The following HYKK variants were observed in gnomAD, a reference collection of about 807,000 sequenced individuals.
The protein encoded by HYKK is hydroxylysine kinase.
A neutral mutation model predicts 29.7 loss-of-function variants in HYKK; 19 were observed. That is an observed-to-expected ratio of 0.64 (90% CI 0.45 to 0.94). The LOEUF is 0.94. HYKK is among the 40% of genes least tolerant of loss of function. The pLI is 0.00. For missense variants in HYKK, 390 were observed against 443.4 expected, an observed-to-expected ratio of 0.88 and a Z score of 1.08; for synonymous variants, 152 against 158.1, an observed-to-expected ratio of 0.96 and a Z score of 0.29.
chr15:78,533,437 C>G lies in HYKK; in HGVS notation c.889C>G (p.Leu297Val). The G allele has an allele frequency of 6.2e-7, 1 of 1,614,210 alleles. No individual in the cohort carries two copies. Among genetic ancestry groups the G allele is most frequent in the South Asian group, 1.1e-5 (1 of 91,086 alleles). Residue 297 changes from leucine to valine, a missense_variant, in exon 5 of 5, where the codon CTG (leucine) becomes GTG (valine). Coordinates refer to ENST00000388988, the MANE Select transcript of HYKK (RefSeq NM_001013619.4). ...TGCAGGGTTTGAAAGCATCACCCCA[C>G]TGACAGCTGTAGAGAAGGGTGCTTT... ...VLAGFESITP[L>V]TAVEKGALFL...
intron 3 of HYKK, among the ~76,000 whole-genome samples, chr15:78,519,222 C>A (rs2052166853): frequency 6.6e-6 from 1 of 152,136 alleles, no homozygotes; most frequent in South Asian, 2.1e-4. Flanking sequence ...TTACAATAAT[C>A]ACCATTTTAT....
intron 4 of HYKK, 145 bp from the exon 5 acceptor site, chr15:78,533,065 A>G (rs1049817244): frequency 3.4e-5 from 21 of 618,714 alleles, no homozygotes; most frequent in African/African-American, 2.4e-4. Context: ...TTTTCAGAGG[A>G]AATTATTTTA....
At chr15:78,508,601 A>G (rs957545289) in intron 1 of HYKK, among the ~76,000 whole-genome samples, 3 of 152,094 alleles carry the variant, frequency 2.0e-5, no homozygotes, top group African/African-American at 7.2e-5. Context: ...TCAGGAGCTA[A>G]ATACTGTTGG....
Position 78,533,879 on chromosome 15 carries a change from A to G in HYKK, c.*209A>G. 2 of 568,136 alleles carry G rather than the reference A, an allele frequency of 3.5e-6. No individual in the cohort carries two copies. The highest frequency in any genetic ancestry group is 3.1e-6 in the Non-Finnish European group (1 of 322,434). The allele number at this position is 568,136 out of a possible 1,614,324, so 35.2% of individuals were successfully genotyped here. ...ATTCACAAAAGTACCACAAGCAAGC[A>G]TATTTTTCTGTGAGTCTTACTTGCC... is the stretch of plus-strand genomic sequence containing the variant. On this transcript the variant is annotated 3_prime_UTR_variant, in exon 5 of 5. Transcript: ENST00000388988.
At chr15:78,525,898 G>A (rs1322990498) in intron 3 of HYKK, among the ~76,000 whole-genome samples, 1 of 152,292 alleles carries the variant, frequency 6.6e-6, no homozygotes, top group Non-Finnish European at 1.5e-5. Context: ...GTATACTGGG[G>A]TTATGATGTA....
rs199967887 is a variant in HYKK at position 78,533,482 on chromosome 15, C to A, written c.934C>A (p.Arg312Ser). 1 of 1,614,116 alleles carries A rather than the reference C, an allele frequency of 6.2e-7. No homozygotes were observed. The highest frequency in any genetic ancestry group is 1.1e-5 in the South Asian group (1 of 91,040). ...TGCTTTGTTTTTACTTGTATGCAGT[C>A]GTTTTTGTCAGTCACTTGTCATGGC... ...KGALFLLVCS[R>S]FCQSLVMAAY... The change falls in exon 5 of 5, where the codon CGT (arginine) becomes AGT (serine). Residue 312 changes from arginine to serine, a missense_variant. Coordinates refer to ENST00000388988, the MANE Select transcript of HYKK (RefSeq NM_001013619.4).
chr15:78,527,381 G>A lies in HYKK; in HGVS notation c.479G>A (p.Arg160Lys), dbSNP rs771357153. The change falls in exon 4 of 5, where the codon AGA (arginine) becomes AAA (lysine). Residue 160 changes from arginine (R) to lysine (K), a missense_variant and splice_region_variant. Physicochemically the swap from Arg to Lys is conservative, Grantham distance 26. Coordinates refer to ENST00000388988, the MANE Select transcript of HYKK (RefSeq NM_001013619.4). ...AAGAATATCTCGCTTTTGATTTAGA[G>A]ATTCCATCACCCAAAGTTAAGTAGT... Reference protein sequence around the residue: ...LAAKLDKTLQRFHHPKLSSLH... With the variant: ...LAAKLDKTLQKFHHPKLSSLH... 1.2e-6 allele frequency: 2 copies of A among 1,613,086 alleles called. No homozygotes were observed. Among genetic ancestry groups the A allele is most frequent in the Admixed American group, 1.7e-5 (1 of 59,944 alleles).
intron 1 of HYKK, among the ~76,000 whole-genome samples, chr15:78,508,663 C>A (rs1231395062): frequency 6.6e-6 from 1 of 151,708 alleles, no homozygotes; most frequent in Non-Finnish European, 1.5e-5. Flanking sequence ...CTCTCCCTTT[C>A]AATGAAGTAG....
In HYKK at chr15:78,533,725, C is replaced by A; in HGVS notation, c.*55C>A. Reference sequence around the variant, plus strand: ...TTTAACTTGGGTAATTAAAATAGGACCCAGTCAAATTTTAGGAAGGATTTT... The same window carrying A: ...TTTAACTTGGGTAATTAAAATAGGAACCAGTCAAATTTTAGGAAGGATTTT... On this transcript the variant is annotated 3_prime_UTR_variant, in exon 5 of 5. Transcript: ENST00000388988. The A allele has an allele frequency of 7.7e-7, 1 of 1,297,050 alleles. No individual in the cohort carries two copies. The highest frequency in any genetic ancestry group is 1.1e-6 in the Non-Finnish European group (1 of 915,400). 80.3% of individuals were successfully genotyped at this position (1,297,050 alleles called of 1,614,324 possible).
Position 78,533,330 on chromosome 15 carries a change from A to G in HYKK, c.782A>G (p.Tyr261Cys). 1.2e-6 allele frequency: 2 copies of G among 1,614,158 alleles called. No individual in the cohort carries two copies. Among genetic ancestry groups the G allele is most frequent in the Non-Finnish European group, 1.7e-6 (2 of 1,179,956 alleles). The stretch of plus-strand genomic sequence containing the variant: ...GACTTTGGTGACATGAGCTATGGCT[A>G]CTATGTGTTTGAAGTGGCAATTACC... ...ILDFGDMSYGYYVFEVAITIM... is the reference protein window; with the variant it reads ...ILDFGDMSYGCYVFEVAITIM... The change falls in exon 5 of 5, where the codon TAC becomes TGC. Residue 261 changes from tyrosine to cysteine, a missense_variant. Coordinates refer to ENST00000388988, the MANE Select transcript of HYKK (RefSeq NM_001013619.4).
At chr15:78,530,718 T>A (rs2052303731) in intron 4 of HYKK, among the ~76,000 whole-genome samples, 1 of 152,128 alleles carries the variant, frequency 6.6e-6, no homozygotes, top group South Asian at 2.1e-4. Context: ...GCAGATTTTT[T>A]TTTTTATAGA....
At chr15:78,525,756 C>G (rs2052247603) in intron 3 of HYKK, among the ~76,000 whole-genome samples, 1 of 152,152 alleles carries the variant, frequency 6.6e-6, no homozygotes, top group Non-Finnish European at 1.5e-5. Flanking sequence ...ACGTTGGCCT[C>G]CCAAAGTGCT....
In HYKK at chr15:78,533,449, G is replaced by A; in HGVS notation, c.901G>A (p.Glu301Lys). The A allele has an allele frequency of 5.0e-6, 8 of 1,614,220 alleles. No individual in the cohort carries two copies. The highest frequency in any genetic ancestry group is 5.9e-6 in the Non-Finnish European group (7 of 1,180,028). The change falls in exon 5 of 5, where the codon GAG becomes AAG. Residue 301 changes from glutamate (E) to lysine (K), a missense_variant. By Grantham distance (56) the Glu-to-Lys change is moderately conservative (BLOSUM62 1). Transcript: ENST00000388988. The stretch of plus-strand genomic sequence containing the variant: ...AAGCATCACCCCACTGACAGCTGTA[G>A]AGAAGGGTGCTTTGTTTTTACTTGT... ...FESITPLTAV[E>K]KGALFLLVCS... is the part of the protein sequence containing the mutation.
intron 4 of HYKK, 40 bp from the exon 5 acceptor site, chr15:78,533,170 A>C (rs1399421245): frequency 8.1e-7 from 1 of 1,236,924 alleles, no homozygotes; most frequent in East Asian, 2.3e-5. Context: ...ATGAATTGGG[A>C]TATTCAATAA....
At chr15:78,522,346 C>T (rs1037486124) in intron 3 of HYKK, among the ~76,000 whole-genome samples, 2 of 151,908 alleles carry the variant, frequency 1.3e-5, no homozygotes, top group Non-Finnish European at 2.9e-5. Flanking sequence ...GAGAAGACTC[C>T]GGTTCGAGAC....
At chr15:78,513,038 A>C (rs772005982) in intron 1 of HYKK, 46 bp from the exon 2 acceptor site, 2 of 969,060 alleles carry the variant, frequency 2.1e-6, no homozygotes, top group Admixed American at 4.3e-5. Context: ...AAATAAATAT[A>C]TTCATCCTGT....
rs1386364848 is a variant in HYKK at position 78,536,151 on chromosome 15, A to G, written c.*2481A>G. On this transcript the variant is annotated 3_prime_UTR_variant, in exon 5 of 5. Coordinates refer to ENST00000388988, the MANE Select transcript of HYKK (RefSeq NM_001013619.4). ...TGTTATAATTAATCGTCATTTTCAG[A>G]TAAGAAAATAGCAGCTGAAAAAGTA... 1 of 152,240 alleles carries G rather than the reference A, an allele frequency of 6.6e-6. No homozygotes were observed. Among genetic ancestry groups the G allele is most frequent in the African/African-American group, 2.4e-5 (1 of 41,462 alleles). The allele number at this position is 152,240 out of a possible 1,614,324, so 9.4% of individuals were successfully genotyped here.
At chr15:78,531,198 A>T (rs2052308767) in intron 4 of HYKK, among the ~76,000 whole-genome samples, 1 of 152,138 alleles carries the variant, frequency 6.6e-6, no homozygotes, top group South Asian at 2.1e-4. Context: ...AAATAGCCAC[A>T]TATGTCTAGT....
chr15:78,529,609 A>T (rs781139083), intron 4 of HYKK, among the ~76,000 whole-genome samples: 4 of 152,246 alleles, frequency 2.6e-5, no homozygotes, highest in Non-Finnish European at 5.9e-5. Flanking sequence ...TGATCATCAC[A>T]TCATGGTTTT....
Sources: allele counts gnomAD v4.1 joint callset (sites outside exome capture counted in the v4.1 genomes callset), GRCh38; gene constraint gnomAD v4.1.1; transcripts MANE v1.5; gene names NCBI Gene and HGNC (gene_info 2026-07-23, HGNC 2026-07-21).